The following ANKFN1 variants were observed in gnomAD, a reference collection of about 807,000 sequenced individuals.
ANKFN1 encodes the protein ankyrin repeat and fibronectin type III domain containing 1, also known as ankyrin repeat and fibronectin type-III domain-containing protein 1.
In ANKFN1, 74 loss-of-function variants were observed where a neutral mutation model predicts 108.7. The observed-to-expected ratio is 0.68, with a 90% confidence interval of 0.56 to 0.83. The LOEUF is 0.83. Among genes scored for constraint, ANKFN1 ranks in the 40% least tolerant of loss-of-function variants. The pLI, the probability that ANKFN1 is intolerant of heterozygous loss-of-function variation, is 0.00. For synonymous variants in ANKFN1, 547 were observed against 516.2 expected (o/e 1.06, Z -0.81); for missense variants, 1,505 against 1,382.3 (o/e 1.09, Z -1.41).
At chr17:56,413,446 A>C (rs2048153960) in intron 8 of ANKFN1, among the ~76,000 whole-genome samples, 1 of 152,232 alleles carries the variant, frequency 6.6e-6, no homozygotes, top group Non-Finnish European at 1.5e-5. Flanking sequence ...CCTGGCCAGG[A>C]TTTCCATTAC....
intron 3 of ANKFN1, among the ~76,000 whole-genome samples, chr17:56,318,084 C>T (rs1250622106): frequency 4.6e-5 from 7 of 152,202 alleles, no homozygotes; most frequent in African/African-American, 1.4e-4. Context: ...TGGAATGACA[C>T]AGTAGGTCAC....
chr17:56,341,119 T>C (rs1458487604), intron 4 of ANKFN1, among the ~76,000 whole-genome samples: 1 of 152,082 alleles, frequency 6.6e-6, no homozygotes, highest in East Asian at 1.9e-4. Context: ...GTTGTTGGTA[T>C]ATAGGAATGC....
At chr17:56,501,884 G>T (rs2051383272) in intron 20 of ANKFN1, among the ~76,000 whole-genome samples, 1 of 152,188 alleles carries the variant, frequency 6.6e-6, no homozygotes, top group Admixed American at 6.5e-5. Flanking sequence ...CAGTTGTTTT[G>T]CTTTTCTCAA....
At chr17:56,503,853 G>T (rs1199817510) in intron 20 of ANKFN1, among the ~76,000 whole-genome samples, 1 of 152,170 alleles carries the variant, frequency 6.6e-6, no homozygotes, top group African/African-American at 2.4e-5. Flanking sequence ...GGAAATTCAA[G>T]GTTTTACCAG....
chr17:56,300,590 GT>G (rs33957848), intron 3 of ANKFN1, among the ~76,000 whole-genome samples: 10,360 of 131,382 alleles, frequency 0.079, 683 homozygotes, highest in African/African-American at 0.2. Context: ...ACAGGAAATT[GT>G]TTTTTTTTTT....
chr17:56,461,214 C>G (rs2049891672), intron 14 of ANKFN1, among the ~76,000 whole-genome samples: 2 of 152,308 alleles, frequency 1.3e-5, no homozygotes, highest in Admixed American at 1.3e-4. Context: ...TTTTATCCTT[C>G]TGGATAAAGA....
chr17:56,485,724 T>C (rs962241755), intron 18 of ANKFN1, among the ~76,000 whole-genome samples: 1 of 152,222 alleles, frequency 6.6e-6, no homozygotes, highest in African/African-American at 2.4e-5. Context: ...ACTAGAGCAA[T>C]GTTTTTCATG....
At chr17:56,070,575 A>G (rs1411288129) in intron 4 of ANKFN1, among the ~76,000 whole-genome samples, 1 of 152,100 alleles carries the variant, frequency 6.6e-6, no homozygotes, top group Non-Finnish European at 1.5e-5. Flanking sequence ...AGAAATGAAT[A>G]TACCTTTTTG....
At chr17:56,227,790 T>C (rs1916394351) in intron 2 of ANKFN1, 127 bp from the exon 3 acceptor site, 2 of 741,936 alleles carry the variant, frequency 2.7e-6, no homozygotes, top group South Asian at 3.4e-5. Flanking sequence ...TAAATATATA[T>C]TCATCTGTAG....
chr17:56,466,954 A>T (rs568304722), intron 15 of ANKFN1, among the ~76,000 whole-genome samples: 16 of 152,172 alleles, frequency 1.1e-4, no homozygotes, highest in African/African-American at 3.1e-4. Context: ...AAAATACAAA[A>T]AAATAAATAA....
chr17:56,306,057 G>T (rs1002014892), intron 3 of ANKFN1, among the ~76,000 whole-genome samples: 3 of 152,130 alleles, frequency 2.0e-5, no homozygotes, highest in African/African-American at 7.2e-5. Context: ...GATTACTATA[G>T]ATACACAGTA....
At chr17:56,164,464 T>C (rs1909966710) in intron 1 of ANKFN1, among the ~76,000 whole-genome samples, 1 of 152,164 alleles carries the variant, frequency 6.6e-6, no homozygotes, top group Non-Finnish European at 1.5e-5. Flanking sequence ...GTGGGGACTG[T>C]CTATCTCACC....
At chr17:56,297,229 C>T (rs1008197365) in intron 3 of ANKFN1, among the ~76,000 whole-genome samples, 1 of 152,140 alleles carries the variant, frequency 6.6e-6, no homozygotes, top group Admixed American at 6.5e-5. Flanking sequence ...ATTGTTACGG[C>T]GTCTGGGCAG....
intron 4 of ANKFN1, among the ~76,000 whole-genome samples, chr17:56,341,431 G>T (rs776494091): frequency 6.6e-6 from 1 of 151,998 alleles, no homozygotes; most frequent in Non-Finnish European, 1.5e-5. Context: ...GTATGATGTT[G>T]GCTGTGAGTT....
At chr17:56,479,658 C>G (rs1293472032) in intron 16 of ANKFN1, among the ~76,000 whole-genome samples, 1 of 152,234 alleles carries the variant, frequency 6.6e-6, no homozygotes, top group African/African-American at 2.4e-5. Flanking sequence ...ATGCCACATT[C>G]AATTTGGTTT....
intron 3 of ANKFN1, among the ~76,000 whole-genome samples, chr17:56,279,221 A>G (rs2044009694): frequency 1.3e-5 from 2 of 152,372 alleles, no homozygotes; most frequent in South Asian, 4.1e-4. Flanking sequence ...TAAAAATTAT[A>G]TAACATCAGT....
chr17:56,324,280 G>A (rs2045454939), intron 3 of ANKFN1, among the ~76,000 whole-genome samples: 1 of 152,206 alleles, frequency 6.6e-6, no homozygotes, highest in Admixed American at 6.5e-5. Flanking sequence ...GTTAAAGTAT[G>A]TAGCACAATG....
chr17:56,471,243 C>G (rs766785652), intron 15 of ANKFN1: 2 of 152,694 alleles, frequency 1.3e-5, no homozygotes, highest in Non-Finnish European at 2.9e-5. Context: ...TGCTGCTGTA[C>G]ACACCTTCCT....
intron 4 of ANKFN1, among the ~76,000 whole-genome samples, chr17:56,126,447 A>G (rs555801716): frequency 1.4e-4 from 22 of 152,210 alleles, no homozygotes; most frequent in African/African-American, 4.8e-4. Context: ...AGGCTTCGTC[A>G]TATGTTCCAA....
Sources: allele counts gnomAD v4.1 joint callset (sites outside exome capture counted in the v4.1 genomes callset), GRCh38; gene constraint gnomAD v4.1.1; transcripts MANE v1.5; gene names NCBI Gene and HGNC (gene_info 2026-07-23, HGNC 2026-07-21).